NAP1L1: variants seen among roughly 807,000 people sequenced by gnomAD.
The protein encoded by NAP1L1 is nucleosome assembly protein 1 like 1.
NAP1L1 carries 9 observed loss-of-function variants against 58.9 expected under a neutral mutation model. The observed-to-expected ratio is 0.15, with a 90% CI of 0.09 to 0.27. NAP1L1 has a LOEUF of 0.27. Ranked by LOEUF, NAP1L1 falls within the 10% of genes least tolerant of loss-of-function variation. The pLI is 1.00. For missense variants in NAP1L1, 302 were observed against 458.8 expected, an observed-to-expected ratio of 0.66 and a Z score of 3.12; for synonymous variants, 130 against 138.3, an observed-to-expected ratio of 0.94 and a Z score of 0.42.
Position 76,049,090 on chromosome 12 carries a change from T to C in NAP1L1, c.1140+110A>G, listed in dbSNP as rs564786956. 279 of 1,092,082 alleles carry C rather than the reference T, an allele frequency of 2.6e-4. 1 individual carries two copies. The East Asian group carries it at 6.3e-3, about 25-fold the overall frequency. 67.6% of individuals were successfully genotyped at this position (1,092,082 alleles called of 1,614,324 possible). ...TGAAAAAACAAAGTTATCCAGTCAA[T>C]AGGCTTTATTTATTAAAGACTTTAA... On this transcript the variant is annotated intron_variant, in intron 14 of 14. Transcript: ENST00000618691.
intron 6 of NAP1L1, chr12:76,056,691 A>G (rs1390940695): frequency 2.3e-6 from 1 of 444,310 alleles, no homozygotes; most frequent in Non-Finnish European, 4.5e-6. Flanking sequence ...AAGTTAAAAA[A>G]AAAAAAAGAA....
intron 11 of NAP1L1, among the ~76,000 whole-genome samples, chr12:76,052,102 A>G (rs184058762): frequency 2.0e-5 from 3 of 152,268 alleles, no homozygotes; most frequent in East Asian, 1.9e-4. Flanking sequence ...AACAATGAGC[A>G]CACCCTCTGT....
intron 1 of NAP1L1, among the ~76,000 whole-genome samples, chr12:76,082,018 CTAGA>C (rs1304874963): frequency 2.0e-5 from 3 of 152,116 alleles, no homozygotes; most frequent in African/African-American, 4.8e-5. Flanking sequence ...CATACAGGTG[CTAGA>C]TAGTTACCCA....
chr12:76,037,203 C>T lies in NAP1L1; in HGVS notation c.*11226G>A, dbSNP rs186424160. The T allele has an allele frequency of 1.2e-4, 18 of 152,318 alleles. No homozygotes were observed. The highest frequency in any genetic ancestry group is 9.8e-4 in the Admixed American group (15 of 15,298). 9.4% of individuals were successfully genotyped at this position (152,318 alleles called of 1,614,324 possible). ...TTTCCAAAAGTCCTTGAGTTGAAAACGTTAAGTATTAACACAGAACTATCC... is the reference window on the plus strand; with the variant it reads ...TTTCCAAAAGTCCTTGAGTTGAAAATGTTAAGTATTAACACAGAACTATCC... On this transcript the variant is annotated 3_prime_UTR_variant, in exon 15 of 15. Transcript: ENST00000618691.
intron 11 of NAP1L1, 89 bp downstream of exon 11, chr12:76,053,002 A>T: frequency 7.7e-7 from 1 of 1,290,686 alleles, no homozygotes; most frequent in Non-Finnish European, 1.1e-6. Context: ...ACTCAATGTA[A>T]CAACCATCCC....
chr12:76,069,743 G>T (rs2137062426), intron 2 of NAP1L1, among the ~76,000 whole-genome samples: 1 of 152,176 alleles, frequency 6.6e-6, no homozygotes, highest in East Asian at 1.9e-4. Flanking sequence ...TCTAGCTCTT[G>T]TTTAGAACAA....
Position 76,045,372 on chromosome 12 carries a change from A to G in NAP1L1, c.*3057T>C, listed in dbSNP as rs1948590851. On this transcript the variant is annotated 3_prime_UTR_variant, in exon 15 of 15. Coordinates refer to ENST00000618691, the MANE Select transcript of NAP1L1 (RefSeq NM_004537.7). ...GTTCAATATTTCTACATAGCACGAT[A>G]AGATTTTCAGTTACTTCAAGTTTTG... The G allele has an allele frequency of 6.6e-6, 1 of 152,116 alleles. No homozygotes were observed. The highest frequency in any genetic ancestry group is 1.5e-5 in the Non-Finnish European group (1 of 67,944). The allele number at this position is 152,116 out of a possible 1,614,324, so 9.4% of individuals were successfully genotyped here.
chr12:76,054,490 G>A (rs939995203), intron 8 of NAP1L1, among the ~76,000 whole-genome samples: 1 of 152,204 alleles, frequency 6.6e-6, no homozygotes, highest in African/African-American at 2.4e-5. Context: ...CAACAGGCTA[G>A]GCATTCCTGA....
At chr12:76,064,951 C>T (rs1463618433) in intron 4 of NAP1L1, among the ~76,000 whole-genome samples, 1 of 152,098 alleles carries the variant, frequency 6.6e-6, no homozygotes, top group African/African-American at 2.4e-5. Flanking sequence ...CTGCTCCATT[C>T]CTTAGGCAAT....
chr12:76,051,674 T>A (rs1007206274), intron 11 of NAP1L1, among the ~76,000 whole-genome samples: 1 of 152,164 alleles, frequency 6.6e-6, no homozygotes, highest in African/African-American at 2.4e-5. Flanking sequence ...TTAGGATTTC[T>A]ATTTAATAGA....
At chr12:76,052,803 T>C (rs7961620) in intron 11 of NAP1L1, among the ~76,000 whole-genome samples, 13 of 152,330 alleles carry the variant, frequency 8.5e-5, no homozygotes, top group Admixed American at 7.2e-4. Flanking sequence ...ACTTAATATA[T>C]TCTGGTTTTA....
chr12:76,077,998 A>AG (rs1372206983), intron 1 of NAP1L1, among the ~76,000 whole-genome samples: 3 of 150,820 alleles, frequency 2.0e-5, no homozygotes, highest in Non-Finnish European at 2.9e-5. Context: ...AAAAAAAAAA[A>AG]AAAGGAAAAG....
Position 76,037,300 on chromosome 12 carries a change from T to G in NAP1L1, c.*11129A>C, listed in dbSNP as rs540643547. ...TAGTTGATGAACTGATGCCTCCTAGTGACCAATCTGTGTAACAGCTTAAAG... is the reference window on the plus strand; with the variant it reads ...TAGTTGATGAACTGATGCCTCCTAGGGACCAATCTGTGTAACAGCTTAAAG... On this transcript the variant is annotated 3_prime_UTR_variant, in exon 15 of 15. Transcript: ENST00000618691. 1 of 152,446 alleles carries G rather than the reference T, an allele frequency of 6.6e-6. No homozygotes were observed. The highest frequency in any genetic ancestry group is 1.9e-4 in the East Asian group (1 of 5,174). 9.4% of individuals were successfully genotyped at this position (152,446 alleles called of 1,614,324 possible). A position where few individuals can be genotyped will look rare whatever the true frequency, so the allele number is the denominator to read the frequency against.
At chr12:76,053,374 C>A (rs563502247) in intron 9 of NAP1L1, 24 bp from the exon 10 acceptor site, 1 of 1,598,686 alleles carries the variant, frequency 6.3e-7, no homozygotes, top group Non-Finnish European at 8.5e-7. Flanking sequence ...GAAGAAAAAT[C>A]TATTACAATT....
At position 76,075,931 on chromosome 12, in the gene NAP1L1, A is replaced by G. The variant is rs538306097; in HGVS notation, c.-20-1692T>C. ...GCAATCCCAGCACTTTGGGAGGCCG[A>G]AGCAGAAGGACCGCTTGAGGCCAGG... is the stretch of plus-strand genomic sequence containing the variant. On this transcript the variant is annotated intron_variant, in intron 1 of 14. Coordinates refer to ENST00000618691, the MANE Select transcript of NAP1L1 (RefSeq NM_004537.7). Among the ~76,000 whole-genome samples the G allele has an allele frequency of 7.2e-5, 11 of 152,292 alleles. No individual in the cohort carries two copies. In the South Asian group the frequency reaches 2.1e-3, roughly 29 times the overall value.
intron 6 of NAP1L1, 120 bp from the exon 7 acceptor site, chr12:76,056,281 C>G: frequency 9.9e-7 from 1 of 1,012,026 alleles, no homozygotes; most frequent in Non-Finnish European, 1.4e-6. Context: ...TCTAGTCTAT[C>G]TGTGTAAACA....
In NAP1L1 at chr12:76,068,902, G is replaced by A. The variant is rs368413083; in HGVS notation, c.103+7C>T. On this transcript the variant is annotated splice_region_variant and intron_variant, in intron 3 of 14. Coordinates refer to ENST00000618691, the MANE Select transcript of NAP1L1 (RefSeq NM_004537.7). ...TCACTGGCTCCTGAAGTAATTTAAA[G>A]TAATACCTTTGAGTTTTGTTTCTTC... is the stretch of plus-strand genomic sequence containing the variant. 1.8e-5 allele frequency: 29 copies of A among 1,596,260 alleles called. No homozygotes were observed. The highest frequency in any genetic ancestry group is 2.3e-5 in the Non-Finnish European group (27 of 1,164,802).
chr12:76,051,353 T>C (rs1303983479), intron 11 of NAP1L1, among the ~76,000 whole-genome samples: 4 of 152,068 alleles, frequency 2.6e-5, no homozygotes, highest in East Asian at 1.9e-4. Context: ...CCTTGGGTTA[T>C]TGTTAATATA....
At chr12:76,061,412 A>C (rs916709703) in intron 4 of NAP1L1, among the ~76,000 whole-genome samples, 1 of 152,180 alleles carries the variant, frequency 6.6e-6, no homozygotes, top group African/African-American at 2.4e-5. Context: ...TAGTTTGTTA[A>C]GGATAATAGC....
Sources: gnomAD v4.1 joint callset for allele counts (sites outside exome capture counted in the v4.1 genomes callset) on GRCh38, gnomAD v4.1.1 for gene constraint, MANE v1.5 for transcripts, NCBI Gene and HGNC (gene_info 2026-07-23, HGNC 2026-07-21) for gene names.